SEC22A: variants seen among roughly 807,000 people sequenced by gnomAD.
SEC22A encodes the protein SEC22 homolog A, vesicle trafficking protein.
In SEC22A, 22 loss-of-function variants were observed where a neutral mutation model predicts 35.3. The ratio of observed to expected loss-of-function variants is 0.62; its 90% CI spans 0.45 to 0.89. The LOEUF is 0.89. SEC22A is among the 40% of genes least tolerant of loss of function. The pLI, the probability that SEC22A is intolerant of heterozygous loss-of-function variation, is 0.00. For synonymous variants in SEC22A, 119 were observed against 129.5 expected, an observed-to-expected ratio of 0.92 and a Z score of 0.55; for missense variants, 354 against 362.5, an observed-to-expected ratio of 0.98 and a Z score of 0.19.
intron 6 of SEC22A, among the ~76,000 whole-genome samples, chr3:123,260,136 A>AAAAAAAAAAAAAAAAAAAAC (rs1937851513): frequency 7.7e-5 from 1 of 12,960 alleles, no homozygotes; most frequent in African/African-American, 1.9e-4. Context: ...CATCTCAAAA[A>AAAAAAAAAAAAAAAAAAAAC]AAAAAAAAAA....
At chr3:123,257,413 A>T (rs951672336) in intron 5 of SEC22A, among the ~76,000 whole-genome samples, 7 of 152,184 alleles carry the variant, frequency 4.6e-5, no homozygotes, top group African/African-American at 1.7e-4. Context: ...AAAGGCATTT[A>T]AGGCCAGGCA....
At chr3:123,230,699 C>CAAAA (rs376679473) in intron 4 of SEC22A, among the ~76,000 whole-genome samples, 31 of 47,348 alleles carry the variant, frequency 6.5e-4, no homozygotes, top group African/African-American at 1.6e-3. Flanking sequence ...TCACTTCATG[C>CAAAA]AAAAAAAAAA....
rs78032243 is a variant in SEC22A, at chr3:123,269,492, G to A, written c.724-2030G>A. On this transcript the variant is annotated intron_variant, in intron 6 of 6. Coordinates refer to ENST00000492595, the MANE Select transcript of SEC22A (RefSeq NM_012430.5). Reference sequence around the variant, plus strand: ...TTTAATATGTAATAACATGTATTGCGTATCACCTCTGATATTCTTGCCAAA... The same window carrying A: ...TTTAATATGTAATAACATGTATTGCATATCACCTCTGATATTCTTGCCAAA... Among the ~76,000 whole-genome samples, 1,492 of 151,854 alleles carry A rather than the reference G, an allele frequency of 9.8e-3. 14 individuals carry two copies. Among genetic ancestry groups the A allele is most frequent in the African/African-American group, 0.032 (1,334 of 41,396 alleles).
At chr3:123,210,301 G>A (rs1475334107) in intron 2 of SEC22A, among the ~76,000 whole-genome samples, 3 of 152,180 alleles carry the variant, frequency 2.0e-5, no homozygotes, top group African/African-American at 7.2e-5. Context: ...AATAGAAGTA[G>A]TTAGATTGGG....
chr3:123,261,744 G>A (rs1353229205), intron 6 of SEC22A, among the ~76,000 whole-genome samples: 5 of 152,248 alleles, frequency 3.3e-5, no homozygotes, highest in Middle Eastern at 3.4e-3. Flanking sequence ...ACAAAAAGGA[G>A]GATATACCAT....
chr3:123,204,776 T>C (rs1294155651), intron 1 of SEC22A: 1 of 152,240 alleles, frequency 6.6e-6, no homozygotes, highest in Non-Finnish European at 1.5e-5. Flanking sequence ...TAACTGCTGC[T>C]GTACAAAGGC....
intron 5 of SEC22A, among the ~76,000 whole-genome samples, chr3:123,258,239 T>A (rs1402848425): frequency 2.6e-5 from 4 of 152,148 alleles, no homozygotes; most frequent in African/African-American, 9.7e-5. Context: ...ATCTATTTTT[T>A]AAAATGTGTC....
In SEC22A at chr3:123,224,549, A is replaced by G. The variant is rs572899092; in HGVS notation, c.347-554A>G. Among the ~76,000 whole-genome samples the G allele has an allele frequency of 1.2e-4, 19 of 152,286 alleles. No homozygotes were observed. In the East Asian group the frequency reaches 3.5e-3, roughly 28 times the overall value. On this transcript the variant is annotated intron_variant, in intron 3 of 6. Transcript: ENST00000492595. Reference sequence around the variant, plus strand: ...TGTGGCTCATGCCTTTTATCCCAGCACTTTGGGAGGCCGAGGCAGTAGGAT... The same window carrying G: ...TGTGGCTCATGCCTTTTATCCCAGCGCTTTGGGAGGCCGAGGCAGTAGGAT...
chr3:123,217,585 G>A (rs919014153), intron 2 of SEC22A, among the ~76,000 whole-genome samples: 20 of 152,060 alleles, frequency 1.3e-4, no homozygotes, highest in African/African-American at 4.8e-4. Flanking sequence ...GAACTTTTCT[G>A]CACCCAGGAA....
chr3:123,217,846 C>T (rs544879788), intron 2 of SEC22A, among the ~76,000 whole-genome samples: 1 of 152,268 alleles, frequency 6.6e-6, no homozygotes, highest in South Asian at 2.1e-4. Context: ...AAGCTCCTGG[C>T]AGGCAGGGAC....
chr3:123,229,652 A>C (rs373737450), intron 4 of SEC22A, among the ~76,000 whole-genome samples: 2 of 152,142 alleles, frequency 1.3e-5, no homozygotes, highest in South Asian at 2.1e-4. Context: ...TCACGAGGTC[A>C]GGAGTTCAAG....
At position 123,225,015 on chromosome 3, in the gene SEC22A, C is replaced by T. The variant is rs1275679370; in HGVS notation, c.347-88C>T. ...TGAACAATTTTGAATAATAAACTAC[C>T]TGTAATATTTACTATCCATAAACAT... is the stretch of plus-strand genomic sequence containing the variant. On this transcript the variant is annotated intron_variant, in intron 3 of 6. Coordinates refer to ENST00000492595, the MANE Select transcript of SEC22A (RefSeq NM_012430.5). The T allele has an allele frequency of 1.9e-5, 15 of 810,806 alleles. No individual in the cohort carries two copies. The Admixed American group carries it at 3.6e-4, about 19-fold the overall frequency. 50.2% of individuals were successfully genotyped at this position (810,806 alleles called of 1,614,324 possible).
intron 5 of SEC22A, among the ~76,000 whole-genome samples, chr3:123,258,074 A>G (rs780417972): frequency 2.0e-4 from 30 of 152,096 alleles, no homozygotes; most frequent in Non-Finnish European, 2.5e-4. Context: ...AGAGAAAACT[A>G]TAGTATCCAA....
rs78921356 is a variant in SEC22A, at chr3:123,261,490, C to T, written c.723+1901C>T. The stretch of plus-strand genomic sequence containing the variant: ...TATCATGCTGTCTGTAGGCAAAATT[C>T]CTAATTTGTGTAATTTTTATAATGT... On this transcript the variant is annotated intron_variant, in intron 6 of 6. Coordinates refer to ENST00000492595, the MANE Select transcript of SEC22A (RefSeq NM_012430.5). Among the ~76,000 whole-genome samples the T allele has an allele frequency of 4.7e-3, 712 of 152,074 alleles. 3 individuals are homozygous for T. The highest frequency in any genetic ancestry group is 8.3e-3 in the Non-Finnish European group (567 of 67,986).
chr3:123,270,950 C>G (rs1412227005), intron 6 of SEC22A, among the ~76,000 whole-genome samples: 11 of 152,148 alleles, frequency 7.2e-5, no homozygotes, highest in African/African-American at 9.7e-5. Context: ...TTACTTACAA[C>G]TGAAGAACAA....
At chr3:123,215,861 C>T (rs1045018301) in intron 2 of SEC22A, among the ~76,000 whole-genome samples, 1 of 152,134 alleles carries the variant, frequency 6.6e-6, no homozygotes, top group Admixed American at 6.5e-5. Flanking sequence ...TACCACCCCC[C>T]TCTTTTTTTG....
chr3:123,235,969 C>A (rs1466024268), intron 4 of SEC22A, among the ~76,000 whole-genome samples: 1 of 152,088 alleles, frequency 6.6e-6, no homozygotes, highest in African/African-American at 2.4e-5. Flanking sequence ...ATTAATCATT[C>A]TCTTTATATG....
intron 5 of SEC22A, among the ~76,000 whole-genome samples, chr3:123,246,991 T>G (rs1263898054): frequency 6.6e-6 from 1 of 152,238 alleles, no homozygotes; most frequent in Non-Finnish European, 1.5e-5. Context: ...GGACTTCTTA[T>G]GACTTCTTAG....
chr3:123,234,299 G>A, intron 4 of SEC22A, among the ~76,000 whole-genome samples: 1 of 152,116 alleles, frequency 6.6e-6, no homozygotes, highest in South Asian at 2.1e-4. Context: ...AAATGCAAGG[G>A]ATGGAGCATA....
Sources: gnomAD v4.1 joint callset for allele counts (sites outside exome capture counted in the v4.1 genomes callset) on GRCh38, gnomAD v4.1.1 for gene constraint, MANE v1.5 for transcripts, NCBI Gene and HGNC (gene_info 2026-07-23, HGNC 2026-07-21) for gene names.